CDC42BPB: variants seen among roughly 807,000 people sequenced by gnomAD.
The protein encoded by CDC42BPB is CDC42 binding protein kinase beta, also known as serine/threonine-protein kinase MRCK beta.
Under a neutral mutation model 214.9 loss-of-function variants are expected in CDC42BPB, and 37 were observed. The observed-to-expected ratio is 0.17, with a 90% CI of 0.13 to 0.23. CDC42BPB has a LOEUF of 0.23. CDC42BPB is among the 10% of genes least tolerant of loss of function. CDC42BPB has a pLI of 1.00. For missense variants in CDC42BPB, 1,694 were observed against 2,227.0 expected (o/e 0.76, Z 4.82); for synonymous variants, 931 against 884.0 (o/e 1.05, Z -0.94).
chr14:103,047,304 A>T (rs1888346825), intron 1 of CDC42BPB, among the ~76,000 whole-genome samples: 1 of 151,366 alleles, frequency 6.6e-6, no homozygotes, highest in Admixed American at 6.6e-5. Flanking sequence ...AAAAAATTAG[A>T]ACAAACATTA....
intron 5 of CDC42BPB, among the ~76,000 whole-genome samples, chr14:102,994,040 C>T (rs1417398410): frequency 6.6e-6 from 1 of 152,056 alleles, no homozygotes; most frequent in East Asian, 1.9e-4. Context: ...AAAAATGTCC[C>T]AAGTGGCCTG....
At chr14:102,976,325 G>T in intron 9 of CDC42BPB, 1 of 515,464 alleles carries the variant, frequency 1.9e-6, no homozygotes, top group Non-Finnish European at 2.5e-6. Flanking sequence ...AACTATAAAT[G>T]CAAAACCAGA....
At chr14:103,049,544 G>C (rs1411293764) in intron 1 of CDC42BPB, among the ~76,000 whole-genome samples, 1 of 152,242 alleles carries the variant, frequency 6.6e-6, no homozygotes, top group Non-Finnish European at 1.5e-5. Flanking sequence ...TAGTCTGTGG[G>C]AAGTTGGAGC....
Position 102,933,508 on chromosome 14 carries a change from G to A in CDC42BPB, c.*204C>T. The A allele has an allele frequency of 2.2e-6, 1 of 464,654 alleles. No homozygotes were observed. Among genetic ancestry groups the A allele is most frequent in the Non-Finnish European group, 3.7e-6 (1 of 272,744 alleles). The allele number at this position is 464,654 out of a possible 1,614,324, so 28.8% of individuals were successfully genotyped here. A position where few individuals can be genotyped will look rare whatever the true frequency, so the allele number is the denominator to read the frequency against. ...GATGGAACAGCATCGCCTCACAGCTGTGCAGACGAACAGATGTGGTCTACT... is the reference window on the plus strand; with the variant it reads ...GATGGAACAGCATCGCCTCACAGCTATGCAGACGAACAGATGTGGTCTACT... On this transcript the variant is annotated 3_prime_UTR_variant, in exon 37 of 37. Coordinates refer to ENST00000361246, the MANE Select transcript of CDC42BPB (RefSeq NM_006035.4).
chr14:102,942,454 G>A (rs539353880), intron 30 of CDC42BPB, among the ~76,000 whole-genome samples: 2 of 152,350 alleles, frequency 1.3e-5, no homozygotes, highest in Non-Finnish European at 2.9e-5. Flanking sequence ...ACCCCCATAT[G>A]CGCGGCTCGT....
In CDC42BPB at chr14:103,004,677, G is replaced by A. The variant is rs1304983789; in HGVS notation, c.352-654C>T. On this transcript the variant is annotated intron_variant, in intron 3 of 36. Coordinates refer to ENST00000361246, the MANE Select transcript of CDC42BPB (RefSeq NM_006035.4). This position sits in a 1 kb window ranked among gnomAD's most constrained non-coding sequence, Gnocchi z 5.3. ...GAGGTCAGGAGTTCAAGACCAGCCTGGCCAACATGATGAAACCCTGTCTCT... is the reference window on the plus strand; with the variant it reads ...GAGGTCAGGAGTTCAAGACCAGCCTAGCCAACATGATGAAACCCTGTCTCT... Among the ~76,000 whole-genome samples the A allele has an allele frequency of 6.6e-6, 1 of 152,062 alleles. No homozygotes were observed. Among genetic ancestry groups the A allele is most frequent in the East Asian group, 1.9e-4 (1 of 5,182 alleles).
intron 6 of CDC42BPB, 78 bp from the exon 7 acceptor site, chr14:102,983,834 T>C (rs1262595223): frequency 2.0e-6 from 3 of 1,509,596 alleles, no homozygotes; most frequent in Non-Finnish European, 8.8e-7. Flanking sequence ...CTCTAAAATA[T>C]AGCGGAGGCA....
At chr14:103,035,830 ACT>A (rs770288603) in intron 1 of CDC42BPB, among the ~76,000 whole-genome samples, 7 of 151,184 alleles carry the variant, frequency 4.6e-5, no homozygotes, top group African/African-American at 1.5e-4. Flanking sequence ...ACAGAGCAAG[ACT>A]CTGTCTCAAA....
At chr14:102,953,049 A>G (rs754999123) in intron 23 of CDC42BPB, among the ~76,000 whole-genome samples, 2 of 152,236 alleles carry the variant, frequency 1.3e-5, no homozygotes, top group Non-Finnish European at 2.9e-5. Context: ...TCATAACAGC[A>G]AACGCCTGGA....
rs1416615307 is a variant in CDC42BPB at position 102,970,166 on chromosome 14, C to T, written c.1980G>A (p.Glu660=). The stretch of plus-strand genomic sequence containing the variant: ...CCAGCACTACCTTGAGGGCCTCCAG[C>T]TCGCTTTCCATTTGCTTGCAGAAGT... The part of the protein sequence containing the change: ...SENFCKQMES[E]LEALKVKQGG... The change falls in exon 14 of 37, where the codon GAG becomes GAA. Residue 660 remains glutamate (E), a synonymous_variant. Transcript: ENST00000361246. 1.2e-6 allele frequency: 2 copies of T among 1,613,248 alleles called. No homozygotes were observed. The highest frequency in any genetic ancestry group is 1.7e-6 in the Non-Finnish European group (2 of 1,179,894).
intron 1 of CDC42BPB, among the ~76,000 whole-genome samples, chr14:103,047,143 G>C (rs1037489990): frequency 6.7e-6 from 1 of 149,170 alleles, no homozygotes; most frequent in Non-Finnish European, 1.5e-5. Flanking sequence ...AATTAGCTGG[G>C]CTTGGTGGTG....
At chr14:102,945,948 G>A (rs1279871381) in intron 28 of CDC42BPB, among the ~76,000 whole-genome samples, 1 of 152,202 alleles carries the variant, frequency 6.6e-6, no homozygotes, top group Non-Finnish European at 1.5e-5. Flanking sequence ...ATTTGGGTGT[G>A]TGTGGGGCTC....
intron 9 of CDC42BPB, 54 bp from the exon 10 acceptor site, chr14:102,976,103 T>A: frequency 6.3e-7 from 1 of 1,592,738 alleles, no homozygotes; most frequent in Non-Finnish European, 8.6e-7. Flanking sequence ...AGCGATTTCA[T>A]TAGCATTTTC....
intron 20 of CDC42BPB, among the ~76,000 whole-genome samples, chr14:102,962,841 G>A (rs1164159848): frequency 6.6e-6 from 1 of 151,990 alleles, no homozygotes; most frequent in African/African-American, 2.4e-5. Context: ...GACACAGCGA[G>A]ACTGTCTCAA....
intron 12 of CDC42BPB, among the ~76,000 whole-genome samples, chr14:102,973,724 G>C (rs912201686): frequency 2.0e-5 from 3 of 152,140 alleles, no homozygotes; most frequent in African/African-American, 7.2e-5. Flanking sequence ...CTTTCTCTGT[G>C]GGTCTGAAGT....
intron 1 of CDC42BPB, among the ~76,000 whole-genome samples, chr14:103,024,863 G>A (rs533147396): frequency 3.9e-5 from 6 of 152,320 alleles, no homozygotes; most frequent in African/African-American, 1.4e-4. Context: ...ACAGGCGTGA[G>A]CCACTGGGTC....
intron 7 of CDC42BPB, among the ~76,000 whole-genome samples, chr14:102,983,202 G>A (rs895811605): frequency 6.6e-6 from 1 of 152,112 alleles, no homozygotes; most frequent in African/African-American, 2.4e-5. Context: ...ACCCCCGGGC[G>A]CCTCACTCCA....
rs1489596980 is a variant in CDC42BPB, at chr14:103,001,236, T to G, written c.448-1523A>C. On this transcript the variant is annotated intron_variant, in intron 4 of 36. Coordinates refer to ENST00000361246, the MANE Select transcript of CDC42BPB (RefSeq NM_006035.4). This position sits in a 1 kb window ranked among gnomAD's most constrained non-coding sequence, Gnocchi z 5.8. ...CCCGCCGAGTTTTTCAATTTGTTCA[T>G]TCGCTCGTGCACCCTCACTGTGGCC... Among the ~76,000 whole-genome samples, 1 of 152,152 alleles carries G rather than the reference T, an allele frequency of 6.6e-6. No homozygotes were observed. Among genetic ancestry groups the G allele is most frequent in the Non-Finnish European group, 1.5e-5 (1 of 68,024 alleles).
intron 34 of CDC42BPB, among the ~76,000 whole-genome samples, chr14:102,939,177 G>A (rs935010405): frequency 5.9e-5 from 9 of 152,054 alleles, no homozygotes; most frequent in Admixed American, 4.6e-4. Flanking sequence ...CTGACCTCGT[G>A]ATCCGCCCGC....
Sources: allele counts gnomAD v4.1 joint callset (sites outside exome capture counted in the v4.1 genomes callset), GRCh38; gene constraint gnomAD v4.1.1; non-coding constraint Gnocchi (gnomAD v3.1); transcripts MANE v1.5; gene names NCBI Gene and HGNC (gene_info 2026-07-23, HGNC 2026-07-21).